Variants in HS2ST1 observed in about 807,000 individuals in gnomAD.
HS2ST1 encodes the protein 2-O-sulfotransferase.
Under a neutral mutation model 42.9 loss-of-function variants are expected in HS2ST1, and 18 were observed. The ratio of observed to expected loss-of-function variants is 0.42; its 90% CI spans 0.29 to 0.62. HS2ST1 has a LOEUF of 0.62. Among genes scored for constraint, HS2ST1 ranks in the 20% least tolerant of loss-of-function variants. The pLI, the probability that HS2ST1 is intolerant of heterozygous loss-of-function variation, is 0.21. For missense variants in HS2ST1, 334 were observed against 433.8 expected (o/e 0.77, Z 2.04); for synonymous variants, 146 against 152.9 (o/e 0.95, Z 0.33).
At chr1:86,927,973 A>C (rs1175177026) in intron 1 of HS2ST1, among the ~76,000 whole-genome samples, 1 of 152,096 alleles carries the variant, frequency 6.6e-6, no homozygotes, top group South Asian at 2.1e-4. Flanking sequence ...TGTACATCAA[A>C]TACTCTGTTA....
At chr1:86,941,200 AC>A (rs1660755931) in intron 1 of HS2ST1, among the ~76,000 whole-genome samples, 1 of 151,968 alleles carries the variant, frequency 6.6e-6, no homozygotes, top group South Asian at 2.1e-4. Context: ...TTTTCTGGAG[AC>A]CCTCCTACTC....
At chr1:87,005,642 A>G (rs2100573396) in intron 1 of HS2ST1, among the ~76,000 whole-genome samples, 1 of 152,268 alleles carries the variant, frequency 6.6e-6, no homozygotes, top group Non-Finnish European at 1.5e-5. Context: ...CTTGTTGGAT[A>G]CCTAAGTATT....
At chr1:86,962,235 A>G (rs1270468693) in intron 1 of HS2ST1, among the ~76,000 whole-genome samples, 2 of 152,188 alleles carry the variant, frequency 1.3e-5, no homozygotes, top group Non-Finnish European at 1.5e-5. Flanking sequence ...GTATGTACGG[A>G]ATTTTGTTGT....
intron 2 of HS2ST1, among the ~76,000 whole-genome samples, chr1:87,075,236 C>A (rs1276382722): frequency 1.5e-5 from 2 of 134,182 alleles, no homozygotes; most frequent in South Asian, 2.3e-4. Context: ...ATGGTGCGAT[C>A]TCGGCTCATT....
intron 1 of HS2ST1, chr1:86,956,666 T>C (rs1447897028): frequency 6.6e-6 from 1 of 152,238 alleles, no homozygotes; most frequent in Admixed American, 6.5e-5. Flanking sequence ...GATTTTATGT[T>C]ATTAGAAAAC....
chr1:87,081,110 G>A lies in HS2ST1; in HGVS notation c.364-3084G>A, dbSNP rs183621538. On this transcript the variant is annotated intron_variant, in intron 2 of 6. Coordinates refer to ENST00000370550, the MANE Select transcript of HS2ST1 (RefSeq NM_012262.4). ...ATAGATAGACCCCAATACAATAATA[G>A]CTAGAGACTTGAAGACCCTTCTTTC... Among the ~76,000 whole-genome samples the A allele has an allele frequency of 3.5e-3, 530 of 152,270 alleles. 2 individuals carry two copies. The highest frequency in any genetic ancestry group is 0.012 in the African/African-American group (512 of 41,540).
At chr1:87,074,592 T>C (rs776595211) in intron 2 of HS2ST1, among the ~76,000 whole-genome samples, 6 of 152,156 alleles carry the variant, frequency 3.9e-5, no homozygotes, top group African/African-American at 7.2e-5. Flanking sequence ...TCACCACATA[T>C]GACATTTATA....
chr1:86,959,524 GGT>G (rs1356317308), intron 1 of HS2ST1, among the ~76,000 whole-genome samples: 2 of 152,122 alleles, frequency 1.3e-5, no homozygotes, highest in African/African-American at 4.8e-5. Context: ...TGGGCGTGGT[GGT>G]GCACGTCTGT....
chr1:86,954,271 C>T (rs1237503246), intron 1 of HS2ST1, among the ~76,000 whole-genome samples: 3 of 151,938 alleles, frequency 2.0e-5, no homozygotes, highest in Admixed American at 6.6e-5. Context: ...ATCACTTGAA[C>T]CCGGGAGGCA....
At chr1:87,011,970 T>C (rs1394780299) in intron 1 of HS2ST1, among the ~76,000 whole-genome samples, 1 of 152,246 alleles carries the variant, frequency 6.6e-6, no homozygotes. Context: ...ATTTTTTGTA[T>C]TTGCATAGTA....
chr1:86,960,743 T>A (rs1647816130), intron 1 of HS2ST1, among the ~76,000 whole-genome samples: 1 of 152,134 alleles, frequency 6.6e-6, no homozygotes, highest in African/African-American at 2.4e-5. Context: ...CCTATTAGAG[T>A]GATGAAAATT....
At chr1:86,949,001 C>T (rs1366569163) in intron 1 of HS2ST1, among the ~76,000 whole-genome samples, 2 of 152,122 alleles carry the variant, frequency 1.3e-5, no homozygotes, top group African/African-American at 4.8e-5. Context: ...GTAATAGTTA[C>T]TACTTCTTTT....
At chr1:87,011,713 T>A (rs1649602554) in intron 1 of HS2ST1, among the ~76,000 whole-genome samples, 2 of 152,254 alleles carry the variant, frequency 1.3e-5, no homozygotes. Context: ...TAAATCTTAA[T>A]TTCATATTGA....
intron 2 of HS2ST1, among the ~76,000 whole-genome samples, chr1:87,075,316 G>A (rs1205146969): frequency 1.3e-5 from 2 of 151,562 alleles, no homozygotes; most frequent in Non-Finnish European, 2.9e-5. Flanking sequence ...ATAGGCATGC[G>A]CCACCACGCC....
intron 1 of HS2ST1, among the ~76,000 whole-genome samples, chr1:86,999,283 AT>A (rs1272735664): frequency 6.6e-6 from 1 of 151,834 alleles, no homozygotes; most frequent in Non-Finnish European, 1.5e-5. Flanking sequence ...GGTTCAAGCG[AT>A]TCTCCTGCCT....
intron 1 of HS2ST1, among the ~76,000 whole-genome samples, chr1:86,959,911 A>G (rs890967737): frequency 6.6e-6 from 1 of 152,214 alleles, no homozygotes. Context: ...TCAGAATCGC[A>G]GCAGGTTATT....
chr1:87,050,950 T>C (rs1377088934), intron 1 of HS2ST1, among the ~76,000 whole-genome samples: 2 of 152,210 alleles, frequency 1.3e-5, no homozygotes, highest in African/African-American at 4.8e-5. Flanking sequence ...CTGTGCTATA[T>C]GTAACATTAG....
chr1:87,104,594 G>A lies in HS2ST1; in HGVS notation c.969G>A (p.Gln323=). ...ENEFYEFALE[Q]FQFIRAHAVR... The stretch of plus-strand genomic sequence containing the variant: ...AGTTCTATGAATTTGCACTAGAGCA[G>A]TTCCAATTCATCAGAGCCCATGCCG... Residue 323 remains glutamine, a synonymous_variant, in exon 7 of 7, where the codon CAG becomes CAA. Transcript: ENST00000370550. 1.2e-6 allele frequency: 2 copies of A among 1,613,406 alleles called. No homozygotes were observed. The highest frequency in any genetic ancestry group is 1.7e-4 in the Middle Eastern group (1 of 6,060).
intron 4 of HS2ST1, among the ~76,000 whole-genome samples, chr1:87,093,030 A>AG (rs1651983122): frequency 6.6e-6 from 1 of 152,034 alleles, no homozygotes; most frequent in East Asian, 1.9e-4. Flanking sequence ...CATCAGTTTA[A>AG]GGACACTATT....
Sources: gnomAD v4.1 joint callset for allele counts (sites outside exome capture counted in the v4.1 genomes callset) on GRCh38, gnomAD v4.1.1 for gene constraint, MANE v1.5 for transcripts, NCBI Gene and HGNC (gene_info 2026-07-23, HGNC 2026-07-21) for gene names.